Variants in ARID1B observed in about 807,000 individuals in gnomAD.
ARID1B encodes AT-rich interaction domain 1B.
A neutral mutation model predicts 212.3 loss-of-function variants in ARID1B; 30 were observed. The ratio of observed to expected loss-of-function variants is 0.14; its 90% CI spans 0.11 to 0.19. The LOEUF (loss-of-function observed/expected upper bound fraction) is 0.19, where lower values mean the gene tolerates loss of function less well. ARID1B is among the 10% of genes least tolerant of loss of function. The pLI, the probability that ARID1B is intolerant of heterozygous loss-of-function variation, is 1.00. For synonymous variants in ARID1B, 1,402 were observed against 1,301.7 expected, an observed-to-expected ratio of 1.08 and a Z score of -1.66; for missense variants, 2,891 against 3,204.0, an observed-to-expected ratio of 0.90 and a Z score of 2.36.
chr6:156,805,300 A>G (rs1318515007), intron 1 of ARID1B, among the ~76,000 whole-genome samples: 1 of 152,210 alleles, frequency 6.6e-6, no homozygotes, highest in Non-Finnish European at 1.5e-5. Flanking sequence ...TGAGGGAATG[A>G]GACAGGATAG....
intron 4 of ARID1B, chr6:156,977,209 G>A (rs1021867177): frequency 1.1e-5 from 2 of 175,446 alleles, no homozygotes; most frequent in African/African-American, 4.9e-5. Flanking sequence ...TTTCATATCT[G>A]TAGATTTACA....
chr6:157,207,362 C>T lies in ARID1B; in HGVS notation c.6590C>T (p.Ser2197Leu), dbSNP rs149978361. 2.5e-6 allele frequency: 4 copies of T among 1,614,144 alleles called. No homozygotes were observed. The highest frequency in any genetic ancestry group is 3.4e-6 in the Non-Finnish European group (4 of 1,180,036). ...QDPFPTVGPN[S>L]VLSPQRLVLE... ...CCCTTTCCAACTGTGGGACCCAACT[C>T]GGTCCTGTCGCCTCAGAGACTTGTG... The change falls in exon 20 of 20, where the codon TCG (serine) becomes TTG (leucine). Residue 2197 changes from serine (S) to leucine (L), a missense_variant. This residue lies in a region of ARID1B where 187 missense variants were observed against 306.5 expected (regional missense o/e 0.61). Transcript: ENST00000636930. The surrounding 1 kb of genome is among the most constrained non-coding windows in gnomAD (Gnocchi z 8.5).
At chr6:156,944,615 G>A (rs147338069) in intron 4 of ARID1B, among the ~76,000 whole-genome samples, 187 of 152,220 alleles carry the variant, frequency 1.2e-3, no homozygotes, top group African/African-American at 4.3e-3. Context: ...AATGCCAACC[G>A]GATGGTTTTC....
At chr6:156,846,642 C>T (rs1209906499) in intron 2 of ARID1B, among the ~76,000 whole-genome samples, 3 of 152,202 alleles carry the variant, frequency 2.0e-5, no homozygotes, top group Non-Finnish European at 4.4e-5. Context: ...GTAACTAACT[C>T]ATCGTTGACT....
At chr6:157,145,867 C>G (rs954470338) in intron 7 of ARID1B, among the ~76,000 whole-genome samples, 6 of 152,052 alleles carry the variant, frequency 3.9e-5, no homozygotes, top group African/African-American at 1.4e-4. Context: ...TGTGTACCTC[C>G]TAGGCTTGAT....
chr6:157,074,340 C>T (rs1784182875), intron 4 of ARID1B, among the ~76,000 whole-genome samples: 1 of 152,152 alleles, frequency 6.6e-6, no homozygotes, highest in African/African-American at 2.4e-5. Flanking sequence ...AATTCTCGTG[C>T]CTCAGCCTCC....
chr6:156,878,573 C>T (rs529393482), intron 2 of ARID1B, among the ~76,000 whole-genome samples: 1 of 152,348 alleles, frequency 6.6e-6, no homozygotes, highest in East Asian at 1.9e-4. Context: ...AGGGCATGTG[C>T]ATCTGATTGG....
chr6:157,018,015 C>T (rs1250692512), intron 4 of ARID1B, among the ~76,000 whole-genome samples: 2 of 150,484 alleles, frequency 1.3e-5, no homozygotes, highest in East Asian at 3.9e-4. Flanking sequence ...GCTTGTAGTC[C>T]CAGTTACTCA....
chr6:156,825,155 G>A (rs145203194), intron 1 of ARID1B, among the ~76,000 whole-genome samples: 3,350 of 152,264 alleles, frequency 0.022, 52 homozygotes, highest in Non-Finnish European at 0.034. Context: ...GTGAGCCGCC[G>A]CACTTGGCCA....
chr6:156,979,590 G>T (rs937545364), intron 4 of ARID1B, among the ~76,000 whole-genome samples: 4 of 151,008 alleles, frequency 2.6e-5, no homozygotes, highest in Non-Finnish European at 5.9e-5. Flanking sequence ...ACAAAGTCTC[G>T]CTCTGTCGCC....
At position 156,955,328 on chromosome 6, in the gene ARID1B, G is replaced by A. The variant is rs284416; in HGVS notation, c.2247+19752G>A. Reference sequence around the variant, plus strand: ...TCTGGTTATTGCCATTCAACCAGGTGTGATAAACCTAGAGCTACTGTATGT... The same window carrying A: ...TCTGGTTATTGCCATTCAACCAGGTATGATAAACCTAGAGCTACTGTATGT... On this transcript the variant is annotated intron_variant, in intron 4 of 19. Coordinates refer to ENST00000636930, the MANE Select transcript of ARID1B (RefSeq NM_001374828.1). This position sits in a 1 kb window ranked among gnomAD's most constrained non-coding sequence, Gnocchi z 4.2. 0.79 allele frequency among the ~76,000 whole-genome samples: 120,951 copies of A among 152,150 alleles called. 48,645 individuals carry two copies. Among genetic ancestry groups the A allele is most frequent in the Admixed American group, 0.86 (13,124 of 15,298 alleles).
chr6:156,972,764 T>C (rs1416364004), intron 4 of ARID1B, among the ~76,000 whole-genome samples: 1 of 152,242 alleles, frequency 6.6e-6, no homozygotes, highest in Admixed American at 6.5e-5. Flanking sequence ...ATTACAGTTC[T>C]GATGTTCCTC....
intron 1 of ARID1B, among the ~76,000 whole-genome samples, chr6:156,796,794 G>A (rs986675654): frequency 1.3e-5 from 2 of 152,194 alleles, no homozygotes; most frequent in Non-Finnish European, 2.9e-5. Context: ...GGGGCTGGGG[G>A]AAGCAGACAA....
chr6:157,013,615 T>C (rs1050321995), intron 4 of ARID1B, among the ~76,000 whole-genome samples: 5 of 152,252 alleles, frequency 3.3e-5, no homozygotes, highest in Non-Finnish European at 7.3e-5. Flanking sequence ...TTGCTCAAAA[T>C]AACCCTGGTA....
At chr6:156,991,495 G>A (rs976065362) in intron 4 of ARID1B, among the ~76,000 whole-genome samples, 2 of 152,178 alleles carry the variant, frequency 1.3e-5, no homozygotes, top group Admixed American at 6.5e-5. Flanking sequence ...GCCTCCCAAA[G>A]TGCTGGGATT....
chr6:157,013,167 C>G (rs1269338441), intron 4 of ARID1B, among the ~76,000 whole-genome samples: 1 of 152,244 alleles, frequency 6.6e-6, no homozygotes, highest in African/African-American at 2.4e-5. Flanking sequence ...GCGTGAGCCA[C>G]GGCGCCCTGC....
chr6:157,114,403 A>C (rs936012529), intron 6 of ARID1B, among the ~76,000 whole-genome samples: 1 of 151,870 alleles, frequency 6.6e-6, no homozygotes, highest in Admixed American at 6.6e-5. Flanking sequence ...GTGTGCCTGT[A>C]GTCCCAGCTA....
chr6:157,084,545 G>C, intron 4 of ARID1B, 117 bp from the exon 5 acceptor site: 1 of 1,314,754 alleles, frequency 7.6e-7, no homozygotes. Context: ...TTTATTTTGG[G>C]TGTTACCCAG....
At chr6:157,186,820 C>A (rs569405128) in intron 13 of ARID1B, among the ~76,000 whole-genome samples, 7 of 152,216 alleles carry the variant, frequency 4.6e-5, no homozygotes, top group Non-Finnish European at 1.0e-4. Flanking sequence ...TCTGAACCAG[C>A]TAAAATCCTA....
Sources: gnomAD v4.1 joint callset for allele counts (sites outside exome capture counted in the v4.1 genomes callset) on GRCh38, gnomAD v4.1.1 for gene constraint, gnomAD v4.1.1 regional missense constraint, Gnocchi (gnomAD v3.1) non-coding constraint, MANE v1.5 for transcripts, NCBI Gene and HGNC (gene_info 2026-07-23, HGNC 2026-07-21) for gene names.